Variants in TBCA observed in about 807,000 individuals in gnomAD.
TBCA encodes tubulin-specific chaperone A.
TBCA carries 6 observed loss-of-function variants against 15.8 expected under a neutral mutation model. The ratio of observed to expected loss-of-function variants is 0.38; its 90% confidence interval spans 0.21 to 0.75. The LOEUF (loss-of-function observed/expected upper bound fraction) is 0.75, where lower values mean the gene tolerates loss of function less well. Ranked by LOEUF, TBCA falls within the 30% of genes least tolerant of loss-of-function variation. The probability of loss-of-function intolerance (pLI) is 0.46; values close to 1 mark genes in which losing one functional copy is unlikely to be tolerated. For synonymous variants in TBCA, 32 were observed against 42.3 expected, an observed-to-expected ratio of 0.76 and a Z score of 0.94; for missense variants, 90 against 131.2, an observed-to-expected ratio of 0.69 and a Z score of 1.53.
chr5:77,732,439 T>C (rs1458114120), intron 1 of TBCA, among the ~76,000 whole-genome samples: 1 of 151,156 alleles, frequency 6.6e-6, no homozygotes, highest in Non-Finnish European at 1.5e-5. Flanking sequence ...TAGGCCCAGC[T>C]ACTCGGGAGG....
At chr5:77,723,256 T>C (rs906751563) in intron 1 of TBCA, among the ~76,000 whole-genome samples, 3 of 151,922 alleles carry the variant, frequency 2.0e-5, no homozygotes, top group African/African-American at 4.8e-5. Context: ...ACAAATCTTA[T>C]AAAGTATTAC....
At chr5:77,713,822 A>G (rs11743967) in intron 1 of TBCA, among the ~76,000 whole-genome samples, 1 of 152,186 alleles carries the variant, frequency 6.6e-6, no homozygotes, top group Non-Finnish European at 1.5e-5. Flanking sequence ...ATGAAACACC[A>G]CAGGAAAATA....
rs1746547562 is a variant in TBCA at position 77,722,426 on chromosome 5, G to A, written c.54-14079C>T. Among the ~76,000 whole-genome samples, 3 of 151,920 alleles carry A rather than the reference G, an allele frequency of 2.0e-5. No homozygotes were observed. In the South Asian group the frequency reaches 6.2e-4, roughly 32 times the overall value. Reference sequence around the variant, plus strand: ...TCTTCAAAGAAATGTTAATAGATATGGCAAAAGTAAACGAAAGTAACAACG... The same window carrying A: ...TCTTCAAAGAAATGTTAATAGATATAGCAAAAGTAAACGAAAGTAACAACG... On this transcript the variant is annotated intron_variant, in intron 1 of 3. Transcript: ENST00000380377.
intron 1 of TBCA, among the ~76,000 whole-genome samples, chr5:77,749,511 T>C (rs1337702703): frequency 6.6e-6 from 1 of 152,246 alleles, no homozygotes; most frequent in Non-Finnish European, 1.5e-5. Flanking sequence ...TACCTAACTT[T>C]GTTTTAATTT....
intron 1 of TBCA, among the ~76,000 whole-genome samples, chr5:77,729,452 G>A (rs1458548331): frequency 6.6e-6 from 1 of 152,024 alleles, no homozygotes; most frequent in Non-Finnish European, 1.5e-5. Flanking sequence ...CATGGAACCA[G>A]AAAAAAAGAG....
chr5:77,701,725 A>G (rs1314195579), intron 2 of TBCA, among the ~76,000 whole-genome samples: 3 of 129,288 alleles, frequency 2.3e-5, no homozygotes, highest in South Asian at 2.5e-4. Context: ...ATATATATAT[A>G]TGATGGAATA....
chr5:77,695,235 A>G (rs1364947159), intron 2 of TBCA, among the ~76,000 whole-genome samples: 1 of 152,200 alleles, frequency 6.6e-6, no homozygotes, highest in African/African-American at 2.4e-5. Flanking sequence ...AATTCTATCT[A>G]TTATTACAGA....
At chr5:77,750,157 G>A (rs1210223826) in intron 1 of TBCA, among the ~76,000 whole-genome samples, 1 of 150,866 alleles carries the variant, frequency 6.6e-6, no homozygotes, top group African/African-American at 2.4e-5. Flanking sequence ...TATAGAGAGA[G>A]AGCACAAATA....
At chr5:77,757,960 C>T (rs1450167499) in intron 1 of TBCA, among the ~76,000 whole-genome samples, 1 of 152,034 alleles carries the variant, frequency 6.6e-6, no homozygotes, top group African/African-American at 2.4e-5. Context: ...ATTCTTGCCT[C>T]CTCAGAAGAA....
intron 1 of TBCA, among the ~76,000 whole-genome samples, chr5:77,759,504 T>A (rs1230827771): frequency 6.6e-6 from 1 of 152,050 alleles, no homozygotes; most frequent in Non-Finnish European, 1.5e-5. Flanking sequence ...GAGGAGGGAG[T>A]CCATTCAGAT....
At chr5:77,713,836 T>C (rs185435004) in intron 1 of TBCA, among the ~76,000 whole-genome samples, 16 of 151,856 alleles carry the variant, frequency 1.1e-4, no homozygotes, top group Admixed American at 9.2e-4. Flanking sequence ...GAAAATAAGA[T>C]AAATCTGATA....
chr5:77,694,083 T>C (rs1375811343), intron 2 of TBCA, among the ~76,000 whole-genome samples: 2 of 152,180 alleles, frequency 1.3e-5, no homozygotes, highest in South Asian at 2.1e-4. Flanking sequence ...TCAGATAATA[T>C]CACATGGAGA....
At chr5:77,769,195 A>C (rs928513364) in intron 1 of TBCA, among the ~76,000 whole-genome samples, 27 of 152,192 alleles carry the variant, frequency 1.8e-4, no homozygotes, top group African/African-American at 5.8e-4. Flanking sequence ...ATGGCCTCTG[A>C]CCACCACTTT....
chr5:77,773,321 AGT>A (rs1304545776), intron 1 of TBCA, among the ~76,000 whole-genome samples: 7 of 143,680 alleles, frequency 4.9e-5, no homozygotes, highest in African/African-American at 1.8e-4. Context: ...ACTAACTAGT[AGT>A]GTGACTTTAG....
chr5:77,765,166 C>T (rs1580138044), intron 1 of TBCA, among the ~76,000 whole-genome samples: 3 of 152,270 alleles, frequency 2.0e-5, no homozygotes, highest in East Asian at 1.9e-4. Flanking sequence ...GCTGGATTCT[C>T]GTATCTGCTT....
intron 1 of TBCA, among the ~76,000 whole-genome samples, chr5:77,729,844 T>C (rs796116698): frequency 5.0e-4 from 76 of 152,346 alleles, no homozygotes; most frequent in African/African-American, 1.7e-3. Flanking sequence ...ATACAACATA[T>C]CAGTTAATAG....
At chr5:77,775,060 C>T (rs139050259) in intron 1 of TBCA, among the ~76,000 whole-genome samples, 1 of 151,328 alleles carries the variant, frequency 6.6e-6, no homozygotes, top group African/African-American at 2.4e-5. Context: ...AAGACCTTCA[C>T]TCTAAAACAG....
intron 1 of TBCA, among the ~76,000 whole-genome samples, chr5:77,771,328 G>T (rs1444196200): frequency 6.6e-6 from 1 of 152,040 alleles, no homozygotes; most frequent in Non-Finnish European, 1.5e-5. Flanking sequence ...TATTTAAGGA[G>T]CCCTCAGAGT....
At chr5:77,758,466 T>C (rs896412979) in intron 1 of TBCA, among the ~76,000 whole-genome samples, 2 of 152,196 alleles carry the variant, frequency 1.3e-5, no homozygotes, top group Non-Finnish European at 2.9e-5. Context: ...GTGAAATCTT[T>C]AGTGTTGTGA....
Sources: gnomAD v4.1 joint callset for allele counts (sites outside exome capture counted in the v4.1 genomes callset) on GRCh38, gnomAD v4.1.1 for gene constraint, MANE v1.5 for transcripts, NCBI Gene and HGNC (gene_info 2026-07-23, HGNC 2026-07-21) for gene names.